The following ADAMTS17 variants were observed in gnomAD, a reference collection of about 807,000 sequenced individuals.
The protein encoded by ADAMTS17 is ADAM metallopeptidase with thrombospondin type 1 motif 17.
ADAMTS17 carries 113 observed loss-of-function variants against 141.5 expected under a neutral mutation model. That is an observed-to-expected ratio of 0.80 (90% confidence interval 0.69 to 0.93). The LOEUF is 0.93. Ranked by LOEUF, ADAMTS17 falls within the 40% of genes least tolerant of loss-of-function variation. The probability of loss-of-function intolerance (pLI) is 0.00; values close to 1 mark genes in which losing one functional copy is unlikely to be tolerated. For missense variants in ADAMTS17, 1,659 were observed against 1,517.9 expected (o/e 1.09, Z -1.54); for synonymous variants, 768 against 630.6 (o/e 1.22, Z -3.27).
In ADAMTS17 at chr15:99,971,585, A is replaced by C. The variant is rs774237671; in HGVS notation, c.*2817T>G. The C allele has an allele frequency of 2.0e-5, 3 of 152,236 alleles. No homozygotes were observed. Among genetic ancestry groups the C allele is most frequent in the African/African-American group, 4.8e-5 (2 of 41,456 alleles). The allele number at this position is 152,236 out of a possible 1,614,324, so 9.4% of individuals were successfully genotyped here. ...ACCAGCCCCAAAAAGTAAAACAAAA[A>C]TTCCATGGGTACAGTATGTAATGCA... On this transcript the variant is annotated 3_prime_UTR_variant, in exon 22 of 22. Transcript: ENST00000268070.
intron 15 of ADAMTS17, among the ~76,000 whole-genome samples, chr15:100,057,054 G>A (rs925717798): frequency 1.3e-5 from 2 of 152,086 alleles, no homozygotes; most frequent in African/African-American, 4.8e-5. Context: ...GTGTGTGGCT[G>A]CCTGCAGTGT....
At chr15:100,096,544 C>T in intron 14 of ADAMTS17, 68 bp from the exon 15 acceptor site, 7 of 1,609,434 alleles carry the variant, frequency 4.3e-6, no homozygotes, top group Non-Finnish European at 5.9e-6. Context: ...GGCTGCCCTG[C>T]AAGGCTAACT....
At chr15:100,327,476 T>A (rs2045933158) in intron 3 of ADAMTS17, among the ~76,000 whole-genome samples, 1 of 152,194 alleles carries the variant, frequency 6.6e-6, no homozygotes. Context: ...ATTCCTATAC[T>A]GCAAAGGCCA....
chr15:100,254,245 G>A, intron 6 of ADAMTS17, 66 bp from the exon 7 acceptor site: 1 of 1,426,318 alleles, frequency 7.0e-7, no homozygotes, highest in Non-Finnish European at 9.9e-7. Flanking sequence ...AGAAAACACT[G>A]TGAATTAACC....
chr15:100,247,111 T>C (rs1489200064), intron 7 of ADAMTS17, among the ~76,000 whole-genome samples: 1 of 152,126 alleles, frequency 6.6e-6, no homozygotes, highest in Non-Finnish European at 1.5e-5. Context: ...AGTCTCGAAC[T>C]CCTGACCTCA....
At chr15:100,162,980 G>T (rs930313065) in intron 8 of ADAMTS17, among the ~76,000 whole-genome samples, 10 of 134,098 alleles carry the variant, frequency 7.5e-5, no homozygotes, top group Admixed American at 4.5e-4. Flanking sequence ...ATATATATGT[G>T]TATATATAAC....
chr15:100,075,068 G>A (rs73474481), intron 15 of ADAMTS17, among the ~76,000 whole-genome samples: 5,945 of 151,992 alleles, frequency 0.039, 419 homozygotes, highest in African/African-American at 0.14. Context: ...CCATAGGCCC[G>A]TATATTTATA....
intron 2 of ADAMTS17, chr15:100,338,994 C>T (rs1218575453): frequency 1.2e-5 from 12 of 985,396 alleles, no homozygotes; most frequent in South Asian, 4.7e-5. Flanking sequence ...GCCTTCAGTA[C>T]GTACAGAGGG....
chr15:99,977,373 TATATATATATATATATATATATATATAA>T lies in ADAMTS17; in HGVS notation c.2950-1179_2950-1152del, dbSNP rs1567632103. ...TCATATATATATATATATATATATA[TATATATATATATATATATATATATATAA>T]TTTTTTTTTTTTTTTTTTTTTTTTT... On this transcript the variant is annotated intron_variant, in intron 20 of 21. Transcript: ENST00000268070. Among the ~76,000 whole-genome samples, 76 of 17,230 alleles carry T rather than the reference TATATATATATATATATATATATATATAA, an allele frequency of 4.4e-3. 1 individual carries two copies. Among genetic ancestry groups the T allele is most frequent in the African/African-American group, 9.6e-3 (36 of 3,758 alleles). 11.3% of individuals were successfully genotyped at this position (17,230 alleles called of 152,430 possible).
chr15:100,057,755 G>A (rs1328990076), intron 15 of ADAMTS17, among the ~76,000 whole-genome samples: 1 of 152,192 alleles, frequency 6.6e-6, no homozygotes, highest in Non-Finnish European at 1.5e-5. Context: ...TCTTCCCACA[G>A]GGTTTCCCAG....
intron 3 of ADAMTS17, among the ~76,000 whole-genome samples, chr15:100,300,936 AT>A (rs2045010344): frequency 6.6e-6 from 1 of 152,094 alleles, no homozygotes; most frequent in African/African-American, 2.4e-5. Context: ...AGCACTCACT[AT>A]TTGTCATCAT....
chr15:99,997,342 G>T lies in ADAMTS17; in HGVS notation c.2796+43C>A, dbSNP rs371958509. 5.6e-6 allele frequency: 9 copies of T among 1,608,286 alleles called. No homozygotes were observed. The highest frequency in any genetic ancestry group is 7.7e-6 in the Non-Finnish European group (9 of 1,175,884). On this transcript the variant is annotated intron_variant, in intron 19 of 21. Coordinates refer to ENST00000268070, the MANE Select transcript of ADAMTS17 (RefSeq NM_139057.4). The surrounding 1 kb of genome is among the most constrained non-coding windows in gnomAD (Gnocchi z 4.7). ...TCACCAATACCATGGCACCGTGTTG[G>T]AGTCCCTGTGGCTGAGTCCTGGTGG...
chr15:100,102,284 A>AGG (rs1173666194), intron 14 of ADAMTS17, among the ~76,000 whole-genome samples: 3 of 149,586 alleles, frequency 2.0e-5, no homozygotes, highest in African/African-American at 4.9e-5. Flanking sequence ...GCCCGACCGA[A>AGG]GGAGATCTAC....
intron 10 of ADAMTS17, among the ~76,000 whole-genome samples, chr15:100,133,601 G>A (rs545391426): frequency 2.2e-4 from 34 of 152,312 alleles, no homozygotes; most frequent in African/African-American, 7.9e-4. Context: ...CAGAGGCACA[G>A]CCCTGGCCAG....
At chr15:100,258,120 C>G (rs529239418) in intron 6 of ADAMTS17, among the ~76,000 whole-genome samples, 36 of 152,356 alleles carry the variant, frequency 2.4e-4, no homozygotes, top group African/African-American at 6.7e-4. Flanking sequence ...ATTCATCCAT[C>G]AATGGACATA....
At chr15:100,187,496 C>G (rs2040760912) in intron 8 of ADAMTS17, among the ~76,000 whole-genome samples, 1 of 152,164 alleles carries the variant, frequency 6.6e-6, no homozygotes, top group South Asian at 2.1e-4. Context: ...CTTCTCTGGA[C>G]ATATGATTCA....
At chr15:100,196,713 T>C (rs8038079) in intron 8 of ADAMTS17, among the ~76,000 whole-genome samples, 27,961 of 152,138 alleles carry the variant, frequency 0.18, 2,702 homozygotes, top group East Asian at 0.24. Flanking sequence ...TTCGTGTCTG[T>C]GAAACAGCCT....
intron 12 of ADAMTS17, among the ~76,000 whole-genome samples, chr15:100,124,432 C>T (rs954111422): frequency 1.4e-4 from 22 of 152,258 alleles, no homozygotes; most frequent in African/African-American, 5.3e-4. Context: ...GATACTGCTA[C>T]ACACGCATCC....
chr15:100,201,912 T>C (rs951535987), intron 7 of ADAMTS17, among the ~76,000 whole-genome samples: 1 of 152,242 alleles, frequency 6.6e-6, no homozygotes, highest in Non-Finnish European at 1.5e-5. Flanking sequence ...CCTGATGGTA[T>C]GTGCACGCGG....
Sources: gnomAD v4.1 joint callset for allele counts (sites outside exome capture counted in the v4.1 genomes callset) on GRCh38, gnomAD v4.1.1 for gene constraint, Gnocchi (gnomAD v3.1) non-coding constraint, MANE v1.5 for transcripts, NCBI Gene and HGNC (gene_info 2026-07-23, HGNC 2026-07-21) for gene names.